The following SLC22A23 variants were observed in gnomAD, a reference collection of about 807,000 sequenced individuals.
The protein encoded by SLC22A23 is ion transporter protein.
Under a neutral mutation model 61.0 loss-of-function variants are expected in SLC22A23, and 26 were observed. The observed-to-expected ratio is 0.43, with a 90% CI of 0.31 to 0.59. The LOEUF is 0.59. Ranked by LOEUF, SLC22A23 falls within the 20% of genes least tolerant of loss-of-function variation. The pLI is 0.11. For missense variants in SLC22A23, 796 were observed against 934.7 expected, an observed-to-expected ratio of 0.85 and a Z score of 1.94; for synonymous variants, 430 against 413.9, an observed-to-expected ratio of 1.04 and a Z score of -0.47.
chr6:3,405,088 G>T (rs995193046), intron 3 of SLC22A23, among the ~76,000 whole-genome samples: 1 of 151,914 alleles, frequency 6.6e-6, no homozygotes, highest in African/African-American at 2.4e-5. Flanking sequence ...GTGAAACCCT[G>T]TCTCTACTAA....
chr6:3,293,359 C>A (rs544779809), intron 5 of SLC22A23, among the ~76,000 whole-genome samples: 2 of 152,310 alleles, frequency 1.3e-5, no homozygotes, highest in South Asian at 4.1e-4. Context: ...AGCCCCACAC[C>A]CGTGTTGGGA....
At chr6:3,275,827 C>T (rs1758844811) in intron 9 of SLC22A23, among the ~76,000 whole-genome samples, 1 of 152,220 alleles carries the variant, frequency 6.6e-6, no homozygotes, top group African/African-American at 2.4e-5. Flanking sequence ...CGTGATCCAC[C>T]CGCCTTGGCC....
Position 3,277,283 on chromosome 6 carries a change from TCTC to T in SLC22A23, c.1704-3874_1704-3872del, listed in dbSNP as rs905296050. On this transcript the variant is annotated intron_variant, in intron 9 of 9. Coordinates refer to ENST00000406686, the MANE Select transcript of SLC22A23 (RefSeq NM_015482.2). ...GAGGGGGCTGTGCCACTGGGACCCT[TCTC>T]CTCCACCCTGGCCTTCCTCTCGGTG... Among the ~76,000 whole-genome samples, 9 of 150,924 alleles carry T rather than the reference TCTC, an allele frequency of 6.0e-5. No homozygotes were observed. The East Asian group carries it at 7.9e-4, about 13-fold the overall frequency.
Position 3,456,201 on chromosome 6 carries a change from A to C in SLC22A23, c.359T>G (p.Leu120Arg). The change falls in exon 1 of 10, where the codon CTC becomes CGC. Residue 120 changes from leucine (L) to arginine (R), a missense_variant. By Grantham distance (102) the Leu-to-Arg change is moderately radical. Coordinates refer to ENST00000406686, the MANE Select transcript of SLC22A23 (RefSeq NM_015482.2). This position sits in a 1 kb window ranked among gnomAD's most constrained non-coding sequence, Gnocchi z 7.1. ...GCACCAGAAGTTGGGCTGGTCCAGG[A>C]GGAACGAGTCCGAGAACTGGCTGAA... ...IGFSQFSDSF[L>R]LDQPNFWCRG... 6.4e-7 allele frequency: 1 copy of C among 1,551,210 alleles called. No individual in the cohort carries two copies. The highest frequency in any genetic ancestry group is 8.7e-7 in the Non-Finnish European group (1 of 1,146,826).
At chr6:3,339,369 T>C (rs767198194) in intron 3 of SLC22A23, among the ~76,000 whole-genome samples, 86 of 152,260 alleles carry the variant, frequency 5.6e-4, no homozygotes, top group Non-Finnish European at 9.7e-4. Flanking sequence ...GCAGCTGAGT[T>C]CCCAAGCCCT....
At chr6:3,384,222 TCA>T (rs1454102008) in intron 3 of SLC22A23, among the ~76,000 whole-genome samples, 1 of 152,256 alleles carries the variant, frequency 6.6e-6, no homozygotes, top group Admixed American at 6.5e-5. Flanking sequence ...TAAAGACATC[TCA>T]CAGTGAATCT....
intron 1 of SLC22A23, among the ~76,000 whole-genome samples, chr6:3,425,285 C>CTTT (rs33955202): frequency 0.027 from 3,112 of 115,794 alleles, 230 homozygotes; most frequent in African/African-American, 0.059. Context: ...ATGAATAATT[C>CTTT]TTTTTTTTTT....
chr6:3,288,829 C>G lies in SLC22A23; in HGVS notation c.1313+935G>C, dbSNP rs568739935. On this transcript the variant is annotated intron_variant, in intron 6 of 9. Coordinates refer to ENST00000406686, the MANE Select transcript of SLC22A23 (RefSeq NM_015482.2). Reference sequence around the variant, plus strand: ...GCCGTGGCCGGTCCCTGGCCTTGGTCTCTCTCCTGAGCTCAGGATGAGGCT... The same window carrying G: ...GCCGTGGCCGGTCCCTGGCCTTGGTGTCTCTCCTGAGCTCAGGATGAGGCT... Among the ~76,000 whole-genome samples the G allele has an allele frequency of 2.0e-5, 3 of 152,356 alleles. No homozygotes were observed. The South Asian group carries it at 6.2e-4, about 32-fold the overall frequency.
At chr6:3,379,689 T>C (rs759836162) in intron 3 of SLC22A23, among the ~76,000 whole-genome samples, 4 of 152,092 alleles carry the variant, frequency 2.6e-5, no homozygotes, top group Admixed American at 2.0e-4. Flanking sequence ...TCGCTTCATA[T>C]CACCTTGAAC....
chr6:3,293,075 G>A (rs1028291923), intron 5 of SLC22A23, among the ~76,000 whole-genome samples: 10 of 152,244 alleles, frequency 6.6e-5, no homozygotes, highest in Admixed American at 5.9e-4. Flanking sequence ...GGCTCAGGAG[G>A]AGCAGGGAAA....
At chr6:3,315,843 G>A (rs1392126363) in intron 4 of SLC22A23, among the ~76,000 whole-genome samples, 3 of 151,134 alleles carry the variant, frequency 2.0e-5, no homozygotes, top group Non-Finnish European at 2.9e-5. Flanking sequence ...CAGCCTGGGC[G>A]ACAGAGTGAG....
chr6:3,372,614 C>A lies in SLC22A23; in HGVS notation c.913+37574G>T, dbSNP rs557813710. ...CCGTGGCTTCCCCCCATGTCTCATG[C>A]ACAGGGCCCTCAGCATGGACTGCAG... On this transcript the variant is annotated intron_variant, in intron 3 of 9. Coordinates refer to ENST00000406686, the MANE Select transcript of SLC22A23 (RefSeq NM_015482.2). The surrounding 1 kb of genome is among the most constrained non-coding windows in gnomAD (Gnocchi z 4.7). Among the ~76,000 whole-genome samples, 49 of 152,306 alleles carry A rather than the reference C, an allele frequency of 3.2e-4. No homozygotes were observed. Among genetic ancestry groups the A allele is most frequent in the African/African-American group, 1.2e-3 (49 of 41,572 alleles).
intron 1 of SLC22A23, among the ~76,000 whole-genome samples, chr6:3,435,364 C>T (rs1368371038): frequency 6.6e-6 from 1 of 151,986 alleles, no homozygotes; most frequent in East Asian, 1.9e-4. Flanking sequence ...TGCTCCCCTT[C>T]CCCTCTCCGT....
chr6:3,338,588 G>A (rs981449632), intron 3 of SLC22A23, among the ~76,000 whole-genome samples: 1 of 152,240 alleles, frequency 6.6e-6, no homozygotes, highest in African/African-American at 2.4e-5. Flanking sequence ...GGGATTACAG[G>A]CGTGAGCCAC....
intron 1 of SLC22A23, among the ~76,000 whole-genome samples, chr6:3,452,815 G>A (rs1352244780): frequency 1.3e-5 from 2 of 152,022 alleles, no homozygotes; most frequent in Admixed American, 1.3e-4. Flanking sequence ...CAAAGGCCAA[G>A]GCAAAAAATA....
chr6:3,394,298 C>G (rs141855506), intron 3 of SLC22A23, among the ~76,000 whole-genome samples: 1 of 152,130 alleles, frequency 6.6e-6, no homozygotes, highest in African/African-American at 2.4e-5. Context: ...CCCAGCAACT[C>G]CAGGCACACA....
At chr6:3,284,916 G>T (rs553938823) in intron 8 of SLC22A23, 163 bp downstream of exon 8, 1 of 1,539,546 alleles carries the variant, frequency 6.5e-7, no homozygotes, top group Non-Finnish European at 8.7e-7. Flanking sequence ...GAATACAAAT[G>T]TATCCGTATA....
intron 4 of SLC22A23, among the ~76,000 whole-genome samples, chr6:3,321,243 C>T (rs750753695): frequency 5.9e-5 from 9 of 152,326 alleles, no homozygotes; most frequent in Admixed American, 1.3e-4. Context: ...TGAGACAACG[C>T]GGGCTCAGAG....
At chr6:3,323,772 C>A (rs1763106312) in intron 4 of SLC22A23, 62 bp downstream of exon 4, 5 of 1,535,792 alleles carry the variant, frequency 3.3e-6, no homozygotes, top group Non-Finnish European at 4.4e-6. Context: ...CTGCCCGGGG[C>A]CGGGCCTTCA....
Sources: allele counts gnomAD v4.1 joint callset (sites outside exome capture counted in the v4.1 genomes callset), GRCh38; gene constraint gnomAD v4.1.1; non-coding constraint Gnocchi (gnomAD v3.1); transcripts MANE v1.5; gene names NCBI Gene and HGNC (gene_info 2026-07-23, HGNC 2026-07-21).